The following HOOK3 variants were observed in gnomAD, a reference collection of about 807,000 sequenced individuals.
HOOK3 encodes the protein hook microtubule tethering protein 3.
A neutral mutation model predicts 116.3 loss-of-function variants in HOOK3; 24 were observed. That is an observed-to-expected ratio of 0.21 (90% CI 0.15 to 0.29). The LOEUF is 0.29. HOOK3 is among the 10% of genes least tolerant of loss of function. HOOK3 has a pLI of 1.00. For synonymous variants in HOOK3, 275 were observed against 283.0 expected, an observed-to-expected ratio of 0.97 and a Z score of 0.28; for missense variants, 632 against 830.2, an observed-to-expected ratio of 0.76 and a Z score of 2.93.
chr8:42,967,497 G>A (rs559969938), intron 10 of HOOK3, among the ~76,000 whole-genome samples: 2 of 152,198 alleles, frequency 1.3e-5, no homozygotes, highest in African/African-American at 2.4e-5. Flanking sequence ...TCTGGCCTAC[G>A]CGGGGACTGT....
chr8:42,992,457 C>T (rs1809183354), intron 15 of HOOK3, among the ~76,000 whole-genome samples: 1 of 148,148 alleles, frequency 6.8e-6, no homozygotes. Flanking sequence ...GTGGCTCTTC[C>T]CTGTAATCCC....
At chr8:42,998,990 G>A (rs1042566736) in intron 16 of HOOK3, among the ~76,000 whole-genome samples, 16 of 152,122 alleles carry the variant, frequency 1.1e-4, no homozygotes, top group African/African-American at 2.9e-4. Context: ...TGAGAAAAAC[G>A]TAAAATCCAT....
intron 2 of HOOK3, among the ~76,000 whole-genome samples, chr8:42,918,113 A>C (rs575624030): frequency 6.6e-6 from 1 of 152,314 alleles, no homozygotes; most frequent in East Asian, 1.9e-4. Context: ...CGAGGCAGGC[A>C]AATTACTTGA....
At chr8:42,985,354 C>T (rs536492449) in intron 14 of HOOK3, among the ~76,000 whole-genome samples, 19 of 152,088 alleles carry the variant, frequency 1.2e-4, no homozygotes, top group Non-Finnish European at 2.5e-4. Context: ...AAATAAGTAA[C>T]GATTTTAATG....
chr8:42,939,172 C>T (rs990974823), intron 4 of HOOK3, among the ~76,000 whole-genome samples: 5 of 152,238 alleles, frequency 3.3e-5, no homozygotes, highest in African/African-American at 1.2e-4. Flanking sequence ...CCACCTTTCC[C>T]CCCTTTCTAT....
intron 13 of HOOK3, among the ~76,000 whole-genome samples, chr8:42,976,492 A>C (rs1190231497): frequency 6.6e-6 from 1 of 152,124 alleles, no homozygotes; most frequent in East Asian, 1.9e-4. Flanking sequence ...CCTGGACAAC[A>C]AAAAGGAAAA....
At chr8:42,994,455 C>T (rs756971027) in intron 15 of HOOK3, 3 of 411,338 alleles carry the variant, frequency 7.3e-6, no homozygotes, top group South Asian at 5.2e-5. Flanking sequence ...CATAAATTTC[C>T]CTCTTACTAC....
chr8:42,912,924 C>A (rs75903654), intron 2 of HOOK3, among the ~76,000 whole-genome samples: 4,505 of 152,302 alleles, frequency 0.03, 95 homozygotes, highest in African/African-American at 0.055. Context: ...TCTCCAAACC[C>A]GGGAAACCCT....
chr8:42,900,960 T>C (rs1807174621), intron 1 of HOOK3, among the ~76,000 whole-genome samples: 1 of 152,212 alleles, frequency 6.6e-6, no homozygotes, highest in African/African-American at 2.4e-5. Flanking sequence ...GTTGGTGACA[T>C]AGGGACCACA....
At chr8:42,976,755 G>A (rs1231999194) in intron 13 of HOOK3, among the ~76,000 whole-genome samples, 2 of 152,024 alleles carry the variant, frequency 1.3e-5, no homozygotes, top group Admixed American at 1.3e-4. Flanking sequence ...AAATTAGCCG[G>A]GCATGGTGGC....
At chr8:42,897,249 C>A in intron 1 of HOOK3, 61 bp downstream of exon 1, 1 of 1,135,880 alleles carries the variant, frequency 8.8e-7, no homozygotes, top group Non-Finnish European at 1.1e-6. Flanking sequence ...CCGGGACCCT[C>A]CACGCGCGGC....
At chr8:42,988,282 G>A (rs949562372) in intron 15 of HOOK3, among the ~76,000 whole-genome samples, 12 of 152,292 alleles carry the variant, frequency 7.9e-5, no homozygotes, top group African/African-American at 2.9e-4. Flanking sequence ...AGTCCCTCTG[G>A]TGCAAGTGTC....
intron 2 of HOOK3, among the ~76,000 whole-genome samples, chr8:42,916,197 C>A (rs908038652): frequency 1.3e-5 from 2 of 152,306 alleles, no homozygotes; most frequent in Middle Eastern, 3.4e-3. Flanking sequence ...ATATTGCCGC[C>A]GCCTCTTATC....
chr8:42,929,121 A>G (rs1807825224), intron 3 of HOOK3, among the ~76,000 whole-genome samples: 1 of 152,188 alleles, frequency 6.6e-6, no homozygotes, highest in South Asian at 2.1e-4. Context: ...TTTTAAATGA[A>G]TGGTAGTTGA....
intron 14 of HOOK3, among the ~76,000 whole-genome samples, chr8:42,984,659 C>T (rs1166165936): frequency 2.0e-5 from 3 of 152,016 alleles, no homozygotes; most frequent in Non-Finnish European, 4.4e-5. Context: ...GCCAGCGCTT[C>T]GGGAGGCCAA....
intron 4 of HOOK3, among the ~76,000 whole-genome samples, chr8:42,940,317 C>CA (rs969180230): frequency 1.7e-4 from 26 of 152,286 alleles, no homozygotes; most frequent in African/African-American, 5.1e-4. Flanking sequence ...CCGTCTCCAC[C>CA]AAAAAAACAC....
intron 8 of HOOK3, among the ~76,000 whole-genome samples, chr8:42,960,429 G>A (rs1808514844): frequency 6.6e-6 from 1 of 152,214 alleles, no homozygotes; most frequent in Non-Finnish European, 1.5e-5. Context: ...ATGTTTTGCT[G>A]TGGAGAAAAC....
intron 4 of HOOK3, among the ~76,000 whole-genome samples, chr8:42,938,398 T>C (rs1395502497): frequency 1.3e-5 from 2 of 152,180 alleles, no homozygotes; most frequent in Non-Finnish European, 2.9e-5. Flanking sequence ...CCATTTACAT[T>C]TAAGGTTAAT....
chr8:42,911,513 G>A (rs879874830), intron 2 of HOOK3, among the ~76,000 whole-genome samples: 1 of 152,142 alleles, frequency 6.6e-6, no homozygotes, highest in Non-Finnish European at 1.5e-5. Flanking sequence ...TGGGTGGGGG[G>A]ATTAACAAAT....
Sources: gnomAD v4.1 joint callset for allele counts (sites outside exome capture counted in the v4.1 genomes callset) on GRCh38, gnomAD v4.1.1 for gene constraint, MANE v1.5 for transcripts, NCBI Gene and HGNC (gene_info 2026-07-23, HGNC 2026-07-21) for gene names.